The following DTNB variants were observed in gnomAD, a reference collection of about 807,000 sequenced individuals.
DTNB encodes dystrobrevin beta, also known as DTN-B.
Under a neutral mutation model 90.7 loss-of-function variants are expected in DTNB, and 63 were observed. The ratio of observed to expected loss-of-function variants is 0.69; its 90% CI spans 0.57 to 0.86. The LOEUF (loss-of-function observed/expected upper bound fraction) is 0.86, where lower values mean the gene tolerates loss of function less well. Among genes scored for constraint, DTNB ranks in the 40% least tolerant of loss-of-function variants. DTNB has a pLI of 0.00. For synonymous variants in DTNB, 277 were observed against 286.7 expected (o/e 0.97, Z 0.34); for missense variants, 744 against 807.1 (o/e 0.92, Z 0.95).
At chr2:25,585,837 C>T (rs546207911) in intron 6 of DTNB, among the ~76,000 whole-genome samples, 105 of 152,276 alleles carry the variant, frequency 6.9e-4, no homozygotes, top group Non-Finnish European at 1.2e-3. Flanking sequence ...CAAGGGCAAA[C>T]ATACATTAAT....
chr2:25,456,575 G>GT (rs2060067105), intron 10 of DTNB, among the ~76,000 whole-genome samples: 1 of 151,018 alleles, frequency 6.6e-6, no homozygotes, highest in Non-Finnish European at 1.5e-5. Flanking sequence ...TTTTGTTTTT[G>GT]TTTTTTTGTT....
At chr2:25,496,418 C>A (rs1040062878) in intron 9 of DTNB, among the ~76,000 whole-genome samples, 1 of 152,088 alleles carries the variant, frequency 6.6e-6, no homozygotes, top group African/African-American at 2.4e-5. Context: ...GAGGGGTCAA[C>A]AAAATGCATG....
chr2:25,415,496 G>A (rs2047684487), intron 16 of DTNB, among the ~76,000 whole-genome samples: 1 of 152,118 alleles, frequency 6.6e-6, no homozygotes, highest in Non-Finnish European at 1.5e-5. Context: ...AATCTCCAGA[G>A]TGATATGCGT....
chr2:25,391,027 G>C (rs2040952795), intron 16 of DTNB, among the ~76,000 whole-genome samples: 1 of 151,410 alleles, frequency 6.6e-6, no homozygotes, highest in Non-Finnish European at 1.5e-5. Flanking sequence ...CTCTTGACTA[G>C]CTGGGACTAC....
chr2:25,529,632 C>T (rs781777324), intron 9 of DTNB, among the ~76,000 whole-genome samples: 3 of 152,068 alleles, frequency 2.0e-5, no homozygotes, highest in Non-Finnish European at 2.9e-5. Context: ...AACAACTGTA[C>T]AAGAAAATCA....
intron 9 of DTNB, among the ~76,000 whole-genome samples, chr2:25,527,447 C>G (rs1294089414): frequency 6.6e-6 from 1 of 151,656 alleles, no homozygotes; most frequent in Non-Finnish European, 1.5e-5. Flanking sequence ...CACTTGAACC[C>G]GGGAGGGGGA....
At chr2:25,502,322 G>A (rs902580012) in intron 9 of DTNB, among the ~76,000 whole-genome samples, 3 of 152,176 alleles carry the variant, frequency 2.0e-5, no homozygotes, top group African/African-American at 2.4e-5. Context: ...ATAGAGGAGC[G>A]ATACCTTCAA....
intron 5 of DTNB, among the ~76,000 whole-genome samples, chr2:25,605,593 T>C (rs1441467992): frequency 6.6e-6 from 1 of 152,254 alleles, no homozygotes; most frequent in Non-Finnish European, 1.5e-5. Context: ...GCTGGCTCTA[T>C]GTAAATATAG....
chr2:25,493,133 T>A (rs1358123907), intron 9 of DTNB, among the ~76,000 whole-genome samples: 1 of 152,210 alleles, frequency 6.6e-6, no homozygotes, highest in East Asian at 1.9e-4. Context: ...CATTTGGGAA[T>A]CTTGAGCAGA....
chr2:25,517,260 G>T (rs1388627971), intron 9 of DTNB, among the ~76,000 whole-genome samples: 2 of 152,200 alleles, frequency 1.3e-5, no homozygotes, highest in Admixed American at 6.5e-5. Context: ...GAAGTAGTTT[G>T]GTGATTGCCT....
intron 12 of DTNB, among the ~76,000 whole-genome samples, chr2:25,436,998 G>T (rs919699354): frequency 7.2e-5 from 11 of 152,118 alleles, no homozygotes; most frequent in Admixed American, 3.3e-4. Context: ...CCACAGAGGA[G>T]GTTAATATAG....
In DTNB at chr2:25,434,012, G is replaced by A. The variant is rs1227445061; in HGVS notation, c.1258-17C>T. On this transcript the variant is annotated splice_polypyrimidine_tract_variant and intron_variant, in intron 12 of 20. Coordinates refer to ENST00000406818, the MANE Select transcript of DTNB (RefSeq NM_021907.5). ...AGGACGAGTCTAAAGTGGGGAAGTC[G>A]GGAGAAAGTTTTTTTTTTTCTGATC... The A allele has an allele frequency of 5.7e-6, 9 of 1,587,912 alleles. No individual in the cohort carries two copies. The highest frequency in any genetic ancestry group is 6.8e-6 in the Non-Finnish European group (8 of 1,174,192).
intron 9 of DTNB, among the ~76,000 whole-genome samples, chr2:25,492,535 G>C (rs1416591940): frequency 6.6e-6 from 1 of 152,198 alleles, no homozygotes; most frequent in African/African-American, 2.4e-5. Context: ...ATGTCGTGTA[G>C]ACAAAATTTC....
At chr2:25,640,930 C>T (rs1279254625) in intron 2 of DTNB, among the ~76,000 whole-genome samples, 3 of 152,000 alleles carry the variant, frequency 2.0e-5, no homozygotes, top group African/African-American at 4.8e-5. Flanking sequence ...GGCACGAACC[C>T]GGGAGGCGGA....
chr2:25,609,657 T>TATACACACAC (rs1427269065), intron 4 of DTNB, among the ~76,000 whole-genome samples: 2 of 127,006 alleles, frequency 1.6e-5, no homozygotes, highest in South Asian at 2.5e-4. Flanking sequence ...TAATAGAATG[T>TATACACACAC]ACACACACAC....
chr2:25,564,845 C>T (rs1391543846), intron 8 of DTNB, among the ~76,000 whole-genome samples: 1 of 152,062 alleles, frequency 6.6e-6, no homozygotes, highest in South Asian at 2.1e-4. Context: ...AGAAATATAA[C>T]TAATTTTTGC....
intron 4 of DTNB, among the ~76,000 whole-genome samples, chr2:25,618,254 C>A (rs970362784): frequency 3.3e-5 from 5 of 152,142 alleles, no homozygotes; most frequent in African/African-American, 9.7e-5. Context: ...CAACTAGAGG[C>A]AAGCAGAGAG....
At chr2:25,635,356 G>C (rs929932617) in intron 3 of DTNB, among the ~76,000 whole-genome samples, 44 of 152,254 alleles carry the variant, frequency 2.9e-4, no homozygotes, top group African/African-American at 1.0e-3. Context: ...AAACCTAGGA[G>C]GCGGAGGTTG....
At chr2:25,597,302 G>A (rs2064849812) in intron 5 of DTNB, among the ~76,000 whole-genome samples, 1 of 151,496 alleles carries the variant, frequency 6.6e-6, no homozygotes, top group Non-Finnish European at 1.5e-5. Context: ...TCACACCACT[G>A]CACTCCAGCC....
Sources: gnomAD v4.1 joint callset for allele counts (sites outside exome capture counted in the v4.1 genomes callset) on GRCh38, gnomAD v4.1.1 for gene constraint, MANE v1.5 for transcripts, NCBI Gene and HGNC (gene_info 2026-07-23, HGNC 2026-07-21) for gene names.